Variants in AR observed in about 807,000 individuals in gnomAD.
AR encodes the protein dihydrotestosterone receptor.
AR carries 8 observed loss-of-function variants against 53.9 expected under a neutral mutation model. That is an observed-to-expected ratio of 0.15 (90% CI 0.09 to 0.27). The LOEUF is 0.27. Among genes scored for constraint, AR ranks in the 10% least tolerant of loss-of-function variants. The pLI, the probability that AR is intolerant of heterozygous loss-of-function variation, is 1.00. For synonymous variants in AR, 359 were observed against 316.4 expected (o/e 1.13, Z -1.43); for missense variants, 639 against 742.5 (o/e 0.86, Z 1.62).
At chrX:67,564,449 G>A (rs183646699) in intron 1 of AR, among the ~76,000 whole-genome samples, 1 of 111,857 alleles carries the variant, frequency 8.9e-6, no homozygotes, top group Non-Finnish European at 1.9e-5. Flanking sequence ...AGGAGCAGTC[G>A]TACCAGTGTC....
At chrX:67,619,736 G>A (rs1490483913) in intron 1 of AR, among the ~76,000 whole-genome samples, 8 of 111,188 alleles carry the variant, frequency 7.2e-5, no homozygotes, top group Non-Finnish European at 1.5e-4. Flanking sequence ...TAACTGGGAC[G>A]TATAGTGGTC....
rs1422533375 is a variant in AR at position 67,726,199 on chromosome X, G to A, written c.*2358G>A. On this transcript the variant is annotated 3_prime_UTR_variant, in exon 8 of 8. Transcript: ENST00000374690. ...AGTAATATGCCAATCCAAGACTGCT[G>A]GAGAAAACTAAAGCTGACAGGTTCC... 1.7e-5 allele frequency: 3 copies of A among 173,896 alleles called. No homozygotes were observed. In the East Asian group the frequency reaches 2.4e-4, roughly 14 times the overall value. 14.3% of individuals were successfully genotyped at this position (173,896 alleles called of 1,213,427 possible). A position where few individuals can be genotyped will look rare whatever the true frequency, so the allele number is the denominator to read the frequency against.
chrX:67,702,577 A>T (rs1035558645), intron 3 of AR, among the ~76,000 whole-genome samples: 2 of 111,942 alleles, frequency 1.8e-5, no homozygotes, highest in Admixed American at 9.5e-5. Flanking sequence ...ATTGTTGGAC[A>T]AAGTCATCTT....
At chrX:67,688,778 G>A (rs2075980555) in intron 3 of AR, among the ~76,000 whole-genome samples, 2 of 111,282 alleles carry the variant, frequency 1.8e-5, no homozygotes, top group South Asian at 7.5e-4. Context: ...CACGTTCCCT[G>A]CCCTACTGAC....
chrX:67,697,967 T>G, intron 3 of AR, among the ~76,000 whole-genome samples: 1 of 111,643 alleles, frequency 9.0e-6, no homozygotes, highest in Middle Eastern at 4.6e-3. Flanking sequence ...AACACCACAG[T>G]GTCTTTATCC....
At chrX:67,687,435 C>T (rs1317902985) in intron 3 of AR, among the ~76,000 whole-genome samples, 1 of 112,180 alleles carries the variant, frequency 8.9e-6, no homozygotes, top group African/African-American at 3.2e-5. Context: ...TACTCCCAAA[C>T]ATCACAGGTA....
intron 2 of AR, among the ~76,000 whole-genome samples, chrX:67,645,272 A>T (rs1925999633): frequency 8.9e-6 from 1 of 111,903 alleles, no homozygotes; most frequent in Admixed American, 9.5e-5. Context: ...AACAGGGGAA[A>T]TGCTCAATCA....
chrX:67,678,218 C>T lies in AR; in HGVS notation c.1769-7792C>T, dbSNP rs151285009. On this transcript the variant is annotated intron_variant, in intron 2 of 7. Transcript: ENST00000374690. The stretch of plus-strand genomic sequence containing the variant: ...CATGGAAGAGGAGAAAAAGAGTGGC[C>T]TGACAAGAGAAGTTCCCAGTTTCCT... 2.7e-4 allele frequency among the ~76,000 whole-genome samples: 30 copies of T among 111,604 alleles called. No homozygotes were observed. In the East Asian group the frequency reaches 8.5e-3, roughly 32 times the overall value.
chrX:67,570,869 C>T (rs778301198), intron 1 of AR, among the ~76,000 whole-genome samples: 2 of 111,001 alleles, frequency 1.8e-5, no homozygotes, highest in Non-Finnish European at 3.8e-5. Flanking sequence ...ACTTAGAACA[C>T]ATGGAGTACA....
At chrX:67,564,628 C>T (rs1165194799) in intron 1 of AR, among the ~76,000 whole-genome samples, 1 of 111,140 alleles carries the variant, frequency 9.0e-6, no homozygotes, top group Non-Finnish European at 1.9e-5. Flanking sequence ...TGGTAATAAC[C>T]CCTGCTGTCT....
chrX:67,591,207 C>A (rs944679445), intron 1 of AR, among the ~76,000 whole-genome samples: 9 of 111,048 alleles, frequency 8.1e-5, no homozygotes, highest in Non-Finnish European at 1.3e-4. Flanking sequence ...CCTAGAAAAG[C>A]GACCTGTCAA....
intron 1 of AR, among the ~76,000 whole-genome samples, chrX:67,628,805 C>T (rs1205641430): frequency 8.1e-5 from 9 of 111,582 alleles, no homozygotes; most frequent in Admixed American, 3.8e-4. Flanking sequence ...TTTTAAAATA[C>T]GGCCCATCAA....
At chrX:67,592,879 C>T (rs1922902259) in intron 1 of AR, among the ~76,000 whole-genome samples, 1 of 110,708 alleles carries the variant, frequency 9.0e-6, no homozygotes, top group Non-Finnish European at 1.9e-5. Context: ...TATAGCAGTG[C>T]GAGTAGGTTT....
intron 1 of AR, among the ~76,000 whole-genome samples, chrX:67,579,364 G>A (rs1257996310): frequency 9.0e-6 from 1 of 111,201 alleles, no homozygotes; most frequent in African/African-American, 3.3e-5. Flanking sequence ...AAGATTGGGT[G>A]GGCAGACACC....
At chrX:67,693,964 G>A (rs940751783) in intron 3 of AR, among the ~76,000 whole-genome samples, 1 of 111,616 alleles carries the variant, frequency 9.0e-6, no homozygotes, top group African/African-American at 3.3e-5. Flanking sequence ...TGTAAGCACC[G>A]AGCACCTGCA....
At chrX:67,711,742 C>T (rs1270161264) in intron 4 of AR, 53 bp downstream of exon 4, 36 of 1,129,089 alleles carry the variant, frequency 3.2e-5, no homozygotes, top group Admixed American at 1.0e-4. Context: ...ATTTAGTGAA[C>T]GCTCCTATGG....
intron 1 of AR, among the ~76,000 whole-genome samples, chrX:67,601,184 A>C (rs944039682): frequency 1.1e-4 from 12 of 112,211 alleles, no homozygotes; most frequent in African/African-American, 3.9e-4. Context: ...TTCAAATATA[A>C]ATTGTTTGTG....
In AR at chrX:67,656,928, G is replaced by A. The variant is rs766557087; in HGVS notation, c.1768+13521G>A. Among the ~76,000 whole-genome samples, 9 of 109,512 alleles carry A rather than the reference G, an allele frequency of 8.2e-5. No individual in the cohort carries two copies. In the East Asian group the frequency reaches 2.1e-3, roughly 25 times the overall value. The stretch of plus-strand genomic sequence containing the variant: ...TTAAAGCTTAGTAGGAGATATCTGT[G>A]TGGAAACAAAAATTAAATACTGCTG... On this transcript the variant is annotated intron_variant, in intron 2 of 7. Coordinates refer to ENST00000374690, the MANE Select transcript of AR (RefSeq NM_000044.6).
intron 2 of AR, among the ~76,000 whole-genome samples, chrX:67,659,845 G>A (rs752357605): frequency 8.9e-6 from 1 of 111,754 alleles, no homozygotes; most frequent in South Asian, 3.8e-4. Flanking sequence ...CAGTGTAAAA[G>A]GGTTCCTATT....
Sources: allele counts gnomAD v4.1 joint callset (sites outside exome capture counted in the v4.1 genomes callset), GRCh38; gene constraint gnomAD v4.1.1; transcripts MANE v1.5; gene names NCBI Gene and HGNC (gene_info 2026-07-23, HGNC 2026-07-21).